INO80: variants seen among roughly 807,000 people sequenced by gnomAD.
The protein encoded by INO80 is INO80 complex ATPase subunit.
In INO80, 20 loss-of-function variants were observed where a neutral mutation model predicts 203.4. That is an observed-to-expected ratio of 0.10 (90% CI 0.07 to 0.14). INO80 has a LOEUF of 0.14. Ranked by LOEUF, INO80 falls within the 10% of genes least tolerant of loss-of-function variation. The pLI, the probability that INO80 is intolerant of heterozygous loss-of-function variation, is 1.00. For missense variants in INO80, 1,419 were observed against 1,914.4 expected, an observed-to-expected ratio of 0.74 and a Z score of 4.83; for synonymous variants, 726 against 685.2, an observed-to-expected ratio of 1.06 and a Z score of -0.93.
At chr15:40,995,681 T>C (rs1381365631) in intron 29 of INO80, among the ~76,000 whole-genome samples, 1 of 152,142 alleles carries the variant, frequency 6.6e-6, no homozygotes, top group Non-Finnish European at 1.5e-5. Flanking sequence ...TGGGACAAAG[T>C]GATGAATCTT....
chr15:41,099,427 T>C (rs1362122217), intron 1 of INO80, among the ~76,000 whole-genome samples: 1 of 151,846 alleles, frequency 6.6e-6, no homozygotes, highest in African/African-American at 2.4e-5. Flanking sequence ...TTATTTAAAT[T>C]ATGTGAATTT....
intron 32 of INO80, 73 bp downstream of exon 32, chr15:40,985,265 T>C: frequency 1.9e-6 from 2 of 1,033,772 alleles, no homozygotes; most frequent in Non-Finnish European, 3.1e-6. Flanking sequence ...TGAGAAGCCA[T>C]GTACCCCAAA....
intron 1 of INO80, among the ~76,000 whole-genome samples, chr15:41,112,984 C>G (rs907265315): frequency 6.6e-6 from 1 of 151,472 alleles, no homozygotes; most frequent in African/African-American, 2.4e-5. Context: ...GGCTCGATCT[C>G]GGCTCACTGC....
chr15:40,997,852 A>T (rs898925057), intron 28 of INO80: 7 of 381,974 alleles, frequency 1.8e-5, no homozygotes, highest in African/African-American at 8.2e-5. Flanking sequence ...GATAGGCAAC[A>T]CAAGTATAAA....
chr15:41,051,084 GCA>G (rs2044860760), intron 19 of INO80, among the ~76,000 whole-genome samples: 1 of 133,532 alleles, frequency 7.5e-6, no homozygotes, highest in African/African-American at 3.0e-5. Flanking sequence ...AGCCGAGATT[GCA>G]CCATTGCACT....
intron 29 of INO80, among the ~76,000 whole-genome samples, chr15:40,990,613 C>T (rs868809792): frequency 6.6e-6 from 1 of 152,214 alleles, no homozygotes. Flanking sequence ...ACCGTGAATG[C>T]TTATTGTTAA....
At chr15:41,087,806 G>T in intron 5 of INO80, 124 bp from the exon 6 acceptor site, 1 of 911,054 alleles carries the variant, frequency 1.1e-6, no homozygotes, top group Non-Finnish European at 1.6e-6. Flanking sequence ...CCCACAAAGA[G>T]ATCAGTAACA....
rs375083054 is a variant in INO80 at position 40,992,633 on chromosome 15, A to AAC, written c.3571-4661_3571-4660dup. On this transcript the variant is annotated intron_variant, in intron 29 of 35. Coordinates refer to ENST00000648947, the MANE Select transcript of INO80 (RefSeq NM_017553.3). The stretch of plus-strand genomic sequence containing the variant: ...CAACTAATCCTACTGTTTCTCTAGC[A>AAC]ACACACACACAGTATATCCTCGGAA... 1.9e-3 allele frequency among the ~76,000 whole-genome samples: 285 copies of AAC among 152,310 alleles called. 1 individual carries two copies. Among genetic ancestry groups the AAC allele is most frequent in the African/African-American group, 6.5e-3 (271 of 41,568 alleles).
Position 41,085,535 on chromosome 15 carries a change from G to A in INO80, c.707C>T (p.Ser236Phe). ...KKKRRRDEEL[S>F]SEESPRRHHH... ...ATGGCGACGAGGGGATTCTTCAGAG[G>A]AAAGTTCTTCATCTCTTCGTCTTTT... The change falls in exon 7 of 36, where the codon TCC becomes TTC. Residue 236 changes from serine to phenylalanine, a missense_variant. This residue lies in a region of INO80 where 323 missense variants were observed against 325.4 expected (regional missense o/e 0.99). Coordinates refer to ENST00000648947, the MANE Select transcript of INO80 (RefSeq NM_017553.3). 1.9e-6 allele frequency: 3 copies of A among 1,614,168 alleles called. No homozygotes were observed. Among genetic ancestry groups the A allele is most frequent in the South Asian group, 1.1e-5 (1 of 91,078 alleles).
At chr15:41,090,458 T>C (rs112779174) in intron 5 of INO80, among the ~76,000 whole-genome samples, 42 of 152,194 alleles carry the variant, frequency 2.8e-4, no homozygotes, top group African/African-American at 1.0e-3. Context: ...ACGCCTGTAA[T>C]CTCAGCTACT....
At chr15:41,102,853 T>G (rs555406503) in intron 1 of INO80, among the ~76,000 whole-genome samples, 1 of 151,558 alleles carries the variant, frequency 6.6e-6, no homozygotes, top group South Asian at 2.1e-4. Flanking sequence ...GACTATTCCT[T>G]AACTCCTTGA....
intron 30 of INO80, 143 bp from the exon 31 acceptor site, chr15:40,987,336 C>G: frequency 1.7e-6 from 1 of 572,424 alleles, no homozygotes; most frequent in Non-Finnish European, 3.1e-6. Flanking sequence ...CTTTTCATTT[C>G]AGTTCATCTG....
intron 1 of INO80, among the ~76,000 whole-genome samples, chr15:41,102,105 C>T (rs886845135): frequency 1.3e-5 from 2 of 151,948 alleles, no homozygotes; most frequent in South Asian, 2.1e-4. Flanking sequence ...GCAGGAGAAT[C>T]GCTTGAACCT....
At chr15:41,080,420 G>C (rs774062791) in intron 8 of INO80, among the ~76,000 whole-genome samples, 4 of 152,140 alleles carry the variant, frequency 2.6e-5, no homozygotes, top group Non-Finnish European at 4.4e-5. Flanking sequence ...TCTCCTCTAA[G>C]GGAAGGTATT....
chr15:41,101,127 C>A (rs1225534790), intron 1 of INO80, among the ~76,000 whole-genome samples: 3 of 152,044 alleles, frequency 2.0e-5, no homozygotes, highest in Non-Finnish European at 4.4e-5. Flanking sequence ...ACCCACCCGG[C>A]TGACAATCAT....
intron 24 of INO80, among the ~76,000 whole-genome samples, chr15:41,043,957 C>T (rs553660980): frequency 7.9e-4 from 121 of 152,230 alleles, no homozygotes; most frequent in African/African-American, 2.7e-3. Flanking sequence ...CACGAGATGC[C>T]ACTACACATT....
chr15:40,996,565 C>T (rs1253512512), intron 29 of INO80, among the ~76,000 whole-genome samples: 1 of 152,044 alleles, frequency 6.6e-6, no homozygotes, highest in Non-Finnish European at 1.5e-5. Flanking sequence ...ACCTGGTGAT[C>T]CACCCGCCTT....
rs553284375 is a variant in INO80, at chr15:41,019,360, T to G, written c.3274+1540A>C. 3 of 152,340 alleles carry G rather than the reference T, an allele frequency of 2.0e-5. No individual in the cohort carries two copies. In the South Asian group the frequency reaches 6.2e-4, roughly 32 times the overall value. The allele number at this position is 152,340 out of a possible 1,614,324, so 9.4% of individuals were successfully genotyped here. On this transcript the variant is annotated intron_variant, in intron 26 of 35. Transcript: ENST00000648947. ...GAGCACAATGGGGTGAGGAGCTGGT[T>G]GGTTCTCACAGTAAACAGCCAGTGA...
intron 24 of INO80, among the ~76,000 whole-genome samples, chr15:41,039,153 T>C (rs946299042): frequency 6.6e-6 from 1 of 152,178 alleles, no homozygotes; most frequent in African/African-American, 2.4e-5. Flanking sequence ...TCCAACTTTT[T>C]CAAAATTAGA....
Sources: gnomAD v4.1 joint callset for allele counts (sites outside exome capture counted in the v4.1 genomes callset) on GRCh38, gnomAD v4.1.1 for gene constraint, gnomAD v4.1.1 regional missense constraint, MANE v1.5 for transcripts, NCBI Gene and HGNC (gene_info 2026-07-23, HGNC 2026-07-21) for gene names.